The following LIFR variants were observed in gnomAD, a reference collection of about 807,000 sequenced individuals.
LIFR encodes the protein LIF receptor subunit alpha.
In LIFR, 84 loss-of-function variants were observed where a neutral mutation model predicts 122.2. That is an observed-to-expected ratio of 0.69 (90% CI 0.58 to 0.82). The LOEUF (loss-of-function observed/expected upper bound fraction) is 0.82. Ranked by LOEUF, LIFR falls within the 40% of genes least tolerant of loss-of-function variation. The pLI is 0.00. For missense variants in LIFR, 1,294 were observed against 1,311.6 expected (o/e 0.99, Z 0.21); for synonymous variants, 422 against 434.7 (o/e 0.97, Z 0.36).
At chr5:38,561,395 G>C (rs1451069041), upstream of LIFR, among the ~76,000 whole-genome samples, 1 of 152,020 alleles carries the variant, frequency 6.6e-6, no homozygotes, top group Non-Finnish European at 1.5e-5. Context: ...ATCAAGTCTT[G>C]GTTTTCCTAG....
At chr5:38,551,511 G>A (rs1236487670) in intron 1 of LIFR, among the ~76,000 whole-genome samples, 1 of 152,230 alleles carries the variant, frequency 6.6e-6, no homozygotes, top group Non-Finnish European at 1.5e-5. Flanking sequence ...TGTCTTTGGA[G>A]AAGCCCACTT....
intron 5 of LIFR, among the ~76,000 whole-genome samples, chr5:38,517,342 CAA>C (rs1217332825): frequency 6.6e-6 from 1 of 152,062 alleles, no homozygotes; most frequent in African/African-American, 2.4e-5. Flanking sequence ...TGCCACTTTA[CAA>C]AAGATACAAA....
At chr5:38,523,729 C>G in intron 4 of LIFR, 147 bp from the exon 5 acceptor site, 1 of 673,942 alleles carries the variant, frequency 1.5e-6, no homozygotes, top group Admixed American at 2.9e-5. Context: ...CTCTAGAACC[C>G]AGTAATAAGG....
chr5:38,563,635 A>G (rs1229878862), intron 1 of LIFR, among the ~76,000 whole-genome samples: 2 of 152,230 alleles, frequency 1.3e-5, no homozygotes, highest in African/African-American at 4.8e-5. Flanking sequence ...AAAACATTGA[A>G]CATTTATTAA....
chr5:38,590,282 G>A (rs1194361041), intron 1 of LIFR, among the ~76,000 whole-genome samples: 1 of 152,160 alleles, frequency 6.6e-6, no homozygotes, highest in African/African-American at 2.4e-5. Flanking sequence ...AGGGAGGACT[G>A]GTCAAAAAGC....
At chr5:38,546,209 A>G (rs992004102) in intron 1 of LIFR, among the ~76,000 whole-genome samples, 2 of 152,236 alleles carry the variant, frequency 1.3e-5, no homozygotes, top group Admixed American at 6.5e-5. Context: ...CACAGTCATC[A>G]ATACATACTA....
chr5:38,488,989 A>C (rs1280853922), intron 16 of LIFR, 89 bp downstream of exon 16: 2 of 1,057,430 alleles, frequency 1.9e-6, no homozygotes, highest in Non-Finnish European at 2.9e-6. Context: ...ACCAGTACTA[A>C]ACTACTGAGC....
At chr5:38,607,067 T>A (rs867042473) in intron 1 of LIFR, among the ~76,000 whole-genome samples, 9 of 152,372 alleles carry the variant, frequency 5.9e-5, no homozygotes, top group African/African-American at 1.9e-4. Flanking sequence ...AAAAATCATC[T>A]GTTCATTTGT....
chr5:38,538,884 C>T (rs1451357954), intron 1 of LIFR, among the ~76,000 whole-genome samples: 3 of 152,232 alleles, frequency 2.0e-5, no homozygotes, highest in Non-Finnish European at 2.9e-5. Flanking sequence ...CAACCGTCCA[C>T]ACTAAAATTC....
intron 1 of LIFR, among the ~76,000 whole-genome samples, chr5:38,565,113 A>G (rs554032740): frequency 6.6e-6 from 1 of 152,338 alleles, no homozygotes; most frequent in East Asian, 1.9e-4. Flanking sequence ...AAATTATACT[A>G]GACTTATATT....
At chr5:38,599,814 A>T (rs181480916), upstream of LIFR, among the ~76,000 whole-genome samples, 1 of 152,246 alleles carries the variant, frequency 6.6e-6, no homozygotes, top group African/African-American at 2.4e-5. Context: ...CAAAAATAAA[A>T]TTCTAAACCT....
rs572978278 is a variant in LIFR, at chr5:38,475,030, T to C, written c.*6565A>G. 2 of 174,080 alleles carry C rather than the reference T, an allele frequency of 1.1e-5. No homozygotes were observed. The highest frequency in any genetic ancestry group is 2.0e-4 in the East Asian group (2 of 9,856). The allele number at this position is 174,080 out of a possible 1,614,324, so 10.8% of individuals were successfully genotyped here. Reference sequence around the variant, plus strand: ...ATGATAAAATTGTTAAATACATGCATGTTTTAAAAACAGACATAAGTAACA... The same window carrying C: ...ATGATAAAATTGTTAAATACATGCACGTTTTAAAAACAGACATAAGTAACA... On this transcript the variant is annotated 3_prime_UTR_variant, in exon 20 of 20. Transcript: ENST00000453190.
At chr5:38,501,819 C>G (rs2112452883) in intron 11 of LIFR, among the ~76,000 whole-genome samples, 1 of 150,892 alleles carries the variant, frequency 6.6e-6, no homozygotes, top group Middle Eastern at 3.4e-3. Context: ...GATAGAATAT[C>G]ATTCTGTCTT....
chr5:38,509,229 T>A (rs954092873), intron 7 of LIFR, among the ~76,000 whole-genome samples: 2 of 152,372 alleles, frequency 1.3e-5, no homozygotes, highest in Non-Finnish European at 2.9e-5. Flanking sequence ...CTTTTGGTAC[T>A]GCTCACGAAG....
intron 1 of LIFR, among the ~76,000 whole-genome samples, chr5:38,572,581 T>C (rs1331835776): frequency 2.0e-5 from 3 of 152,202 alleles, no homozygotes; most frequent in African/African-American, 4.8e-5. Flanking sequence ...CCAGAGCTTA[T>C]GACAGACATC....
chr5:38,539,351 T>C (rs1204456560), intron 1 of LIFR, among the ~76,000 whole-genome samples: 1 of 152,162 alleles, frequency 6.6e-6, no homozygotes, highest in Non-Finnish European at 1.5e-5. Context: ...GTTCTTATCA[T>C]ACCAGGTATT....
chr5:38,556,229 A>G (rs2112673920), intron 1 of LIFR, 105 bp downstream of exon 1: 1 of 151,958 alleles, frequency 6.6e-6, no homozygotes, highest in East Asian at 2.0e-4. Flanking sequence ...CGCTCCGCAG[A>G]GCTGGGAGCG....
chr5:38,571,908 G>T (rs942642370), intron 1 of LIFR, among the ~76,000 whole-genome samples: 7 of 152,152 alleles, frequency 4.6e-5, no homozygotes, highest in Admixed American at 1.3e-4. Flanking sequence ...TGCAGGGAGG[G>T]CATTACCCAT....
upstream of LIFR, among the ~76,000 whole-genome samples, chr5:38,596,165 T>C (rs1344779910): frequency 1.3e-5 from 2 of 152,212 alleles, no homozygotes; most frequent in Non-Finnish European, 2.9e-5. Flanking sequence ...GGACAATTTG[T>C]ACCACTCCTT....
Sources: allele counts gnomAD v4.1 joint callset (sites outside exome capture counted in the v4.1 genomes callset), GRCh38; gene constraint gnomAD v4.1.1; transcripts MANE v1.5; gene names NCBI Gene and HGNC (gene_info 2026-07-23, HGNC 2026-07-21).